The following ATP10B variants were observed in gnomAD, a reference collection of about 807,000 sequenced individuals.
ATP10B encodes phospholipid-transporting ATPase VB.
A neutral mutation model predicts 141.2 loss-of-function variants in ATP10B; 122 were observed. The observed-to-expected ratio is 0.86, with a 90% CI of 0.75 to 1.00. The LOEUF is 1.00. Ranked by LOEUF, ATP10B falls within the 50% of genes least tolerant of loss-of-function variation. The pLI, the probability that ATP10B is intolerant of heterozygous loss-of-function variation, is 0.00. For missense variants in ATP10B, 1,876 were observed against 1,825.3 expected (o/e 1.03, Z -0.51); for synonymous variants, 685 against 692.0 (o/e 0.99, Z 0.16).
chr5:160,898,832 C>T, the ATP10B span, among the ~76,000 whole-genome samples: 1 of 152,138 alleles, frequency 6.6e-6, no homozygotes, highest in Non-Finnish European at 1.5e-5. Context: ...AGGATGAGCT[C>T]ATGTGCTTTG....
chr5:160,638,705 T>C (rs373711577), intron 10 of ATP10B, among the ~76,000 whole-genome samples: 4 of 152,158 alleles, frequency 2.6e-5, no homozygotes, highest in East Asian at 3.9e-4. Flanking sequence ...ACAACAGCAA[T>C]GGCTACGATT....
chr5:160,838,075 C>A (rs1775571659), intron 1 of ATP10B, among the ~76,000 whole-genome samples: 1 of 152,086 alleles, frequency 6.6e-6, no homozygotes, highest in South Asian at 2.1e-4. Flanking sequence ...TTTCATCTGG[C>A]AAAAATCTGA....
intron 21 of ATP10B, among the ~76,000 whole-genome samples, chr5:160,601,527 A>G (rs548567133): frequency 2.0e-5 from 3 of 152,294 alleles, no homozygotes; most frequent in African/African-American, 4.8e-5. Flanking sequence ...GGCTTTTCAA[A>G]GAAGAGTCTT....
At chr5:160,677,399 G>A (rs1310504258) in intron 6 of ATP10B, among the ~76,000 whole-genome samples, 3 of 152,156 alleles carry the variant, frequency 2.0e-5, no homozygotes, top group Admixed American at 2.0e-4. Flanking sequence ...GGATGCAATG[G>A]TCTGCTGGTC....
At chr5:160,766,337 A>AC (rs1769410603) in intron 2 of ATP10B, among the ~76,000 whole-genome samples, 1 of 140,296 alleles carries the variant, frequency 7.1e-6, no homozygotes, top group African/African-American at 2.7e-5. Context: ...GGATAAAGAG[A>AC]ACACACACAC....
Position 160,620,833 on chromosome 5 carries a change from C to A in ATP10B, c.1930G>T (p.Asp644Tyr). The change falls in exon 15 of 26, where the codon GAC becomes TAC. Residue 644 changes from aspartate to tyrosine, a missense_variant. By Grantham distance (160) the Asp-to-Tyr change is radical (BLOSUM62 -3). Transcript: ENST00000327245. ...SQSFSSTAPS[D>Y]TDLGESLGAN... ...CCTAAGCTCTCCCCGAGGTCTGTGT[C>A]AGAGGGTGCAGTGGATGAGAATGAC... is the stretch of plus-strand genomic sequence containing the variant. The A allele has an allele frequency of 6.2e-7, 1 of 1,614,170 alleles. No homozygotes were observed. The highest frequency in any genetic ancestry group is 1.1e-5 in the South Asian group (1 of 91,086).
the ATP10B span, among the ~76,000 whole-genome samples, chr5:160,880,695 A>G: frequency 1.3e-5 from 2 of 152,232 alleles, no homozygotes; most frequent in African/African-American, 4.8e-5. Flanking sequence ...CAATGGAACA[A>G]AGACTGTCTT....
At chr5:160,657,102 G>A (rs1173015304) in intron 7 of ATP10B, among the ~76,000 whole-genome samples, 2 of 152,148 alleles carry the variant, frequency 1.3e-5, no homozygotes, top group African/African-American at 4.8e-5. Flanking sequence ...GGGTTACAGG[G>A]TAGGCAAACC....
the ATP10B span, among the ~76,000 whole-genome samples, chr5:160,859,068 G>C: frequency 1.3e-5 from 2 of 151,596 alleles, no homozygotes; most frequent in African/African-American, 4.8e-5. Context: ...TTTTTGTTTA[G>C]AGAACTTCTC....
chr5:160,565,809 G>T lies in ATP10B; in HGVS notation c.4030C>A (p.Leu1344Met), dbSNP rs777627956. 6.2e-7 allele frequency: 1 copy of T among 1,614,050 alleles called. No homozygotes were observed. The highest frequency in any genetic ancestry group is 1.1e-5 in the South Asian group (1 of 91,082). The stretch of plus-strand genomic sequence containing the variant: ...CTGCTTCTCCAACTCTGGATTTCCA[G>T]GTTTCTTTTGTCTGGGGGGAGTTTG... Reference protein sequence around the residue: ...IDKLPPDKRNLEIQSWRSRQR... With the variant: ...IDKLPPDKRNMEIQSWRSRQR... The change falls in exon 26 of 26, where the codon CTG becomes ATG. Residue 1344 changes from leucine (L) to methionine (M), a missense_variant. Transcript: ENST00000327245.
At chr5:160,728,617 C>T (rs1206690733) in intron 2 of ATP10B, among the ~76,000 whole-genome samples, 1 of 152,096 alleles carries the variant, frequency 6.6e-6, no homozygotes, top group Non-Finnish European at 1.5e-5. Flanking sequence ...GTGCCCTTTC[C>T]ATGTAATAAG....
chr5:160,631,714 G>A (rs10080014), intron 13 of ATP10B, among the ~76,000 whole-genome samples: 125,417 of 152,122 alleles, frequency 0.82, 51,849 homozygotes, highest in Middle Eastern at 0.85. Context: ...TGCATAATGA[G>A]TATGCAGTTG....
intron 1 of ATP10B, among the ~76,000 whole-genome samples, chr5:160,846,630 C>G (rs1431334866): frequency 1.3e-5 from 2 of 152,146 alleles, no homozygotes; most frequent in African/African-American, 4.8e-5. Context: ...GTAGCTACTA[C>G]TAATACATAT....
intron 1 of ATP10B, among the ~76,000 whole-genome samples, chr5:160,816,495 T>A (rs1773638529): frequency 1.3e-5 from 2 of 152,014 alleles, no homozygotes; most frequent in Admixed American, 1.3e-4. Flanking sequence ...GGATCTGAAA[T>A]TGAGGCAATA....
intron 3 of ATP10B, among the ~76,000 whole-genome samples, chr5:160,699,666 C>T (rs1764566362): frequency 1.3e-5 from 2 of 152,120 alleles, no homozygotes; most frequent in East Asian, 1.9e-4. Context: ...ATAGTGGCTG[C>T]CTTCAGAGTT....
At chr5:160,581,826 G>C (rs1400218397) in intron 24 of ATP10B, among the ~76,000 whole-genome samples, 1 of 152,106 alleles carries the variant, frequency 6.6e-6, no homozygotes, top group Non-Finnish European at 1.5e-5. Context: ...TATGAATCTG[G>C]GTGCCCTGTA....
intron 2 of ATP10B, among the ~76,000 whole-genome samples, chr5:160,733,064 A>G (rs1388649790): frequency 1.3e-5 from 2 of 152,162 alleles, no homozygotes; most frequent in Non-Finnish European, 1.5e-5. Flanking sequence ...TATTTTAACA[A>G]TATTACTTCT....
At chr5:160,698,422 A>C (rs191972212) in intron 3 of ATP10B, among the ~76,000 whole-genome samples, 2 of 152,246 alleles carry the variant, frequency 1.3e-5, no homozygotes, top group African/African-American at 4.8e-5. Context: ...TTATAATTTT[A>C]TTCAAAGGCA....
intron 3 of ATP10B, among the ~76,000 whole-genome samples, chr5:160,693,297 G>A (rs955575455): frequency 8.6e-5 from 13 of 151,828 alleles, no homozygotes; most frequent in Non-Finnish European, 1.9e-4. Flanking sequence ...CAAATTTCCT[G>A]ATTTTGATAA....
Sources: allele counts gnomAD v4.1 joint callset (sites outside exome capture counted in the v4.1 genomes callset), GRCh38; gene constraint gnomAD v4.1.1; transcripts MANE v1.5; gene names NCBI Gene and HGNC (gene_info 2026-07-23, HGNC 2026-07-21).